Variants in LMNTD1 observed in about 807,000 individuals in gnomAD.
LMNTD1 encodes lamin tail domain containing 1, also known as lamin tail domain-containing protein 1.
In LMNTD1, 35 loss-of-function variants were observed where a neutral mutation model predicts 50.9. The observed-to-expected ratio is 0.69, with a 90% CI of 0.53 to 0.91. The LOEUF is 0.91. LMNTD1 is among the 40% of genes least tolerant of loss of function. LMNTD1 has a pLI of 0.00. For synonymous variants in LMNTD1, 153 were observed against 161.9 expected (o/e 0.94, Z 0.42); for missense variants, 470 against 475.5 (o/e 0.99, Z 0.11).
chr12:25,628,226 A>G (rs1946638671), intron 1 of LMNTD1, among the ~76,000 whole-genome samples: 1 of 150,696 alleles, frequency 6.6e-6, no homozygotes, highest in Non-Finnish European at 1.5e-5. Flanking sequence ...GTTAGTTTTG[A>G]TAAAAACCAA....
rs567446055 is a variant in LMNTD1, at chr12:25,559,894, A to AT, written c.59-13341dup. Among the ~76,000 whole-genome samples the AT allele has an allele frequency of 5.3e-3, 782 of 148,950 alleles. 11 individuals are homozygous for AT. Among genetic ancestry groups the AT allele is most frequent in the African/African-American group, 0.018 (740 of 41,054 alleles). ...CTTTGCCCACTTTTTGATGGGGTTG[A>AT]TTTTTTCTTACAAATTTGTTTAAGT... On this transcript the variant is annotated intron_variant, in intron 1 of 7. Transcript: ENST00000445693.
At chr12:25,488,893 G>C (rs1938768353) in intron 9 of LMNTD1, among the ~76,000 whole-genome samples, 1 of 152,180 alleles carries the variant, frequency 6.6e-6, no homozygotes, top group Non-Finnish European at 1.5e-5. Context: ...TGCCTTGTGA[G>C]GTGTCAGTGT....
chr12:25,518,824 G>A lies in LMNTD1; in HGVS notation c.1160C>T (p.Thr387Ile). 1 of 1,614,132 alleles carries A rather than the reference G, an allele frequency of 6.2e-7. No homozygotes were observed. The highest frequency in any genetic ancestry group is 8.5e-7 in the Non-Finnish European group (1 of 1,180,016). ...AGGRLDRQPR[T>I]RSTRPNRASG... ...GGCTCGATTAGGTCTGGTTGACCGA[G>A]TCCTGGGCTGTCTATCCAATCTGCC... Residue 387 changes from threonine (T) to isoleucine (I), a missense_variant, in exon 8 of 10, where the codon ACT becomes ATT. Physicochemically the swap from Thr to Ile is moderately conservative, Grantham distance 89. Transcript: ENST00000458174.
intron 1 of LMNTD1, among the ~76,000 whole-genome samples, chr12:25,612,322 A>ACG (rs1426116660): frequency 3.2e-5 from 4 of 125,288 alleles, no homozygotes; most frequent in Non-Finnish European, 7.0e-5. Context: ...ACACACACAC[A>ACG]CACACACGCG....
chr12:25,561,915 T>A (rs1944345171), intron 1 of LMNTD1, among the ~76,000 whole-genome samples: 1 of 152,180 alleles, frequency 6.6e-6, no homozygotes. Context: ...CTCTTTGATC[T>A]TCGTTGGTTT....
At chr12:25,538,338 C>G (rs1421165322) in intron 4 of LMNTD1, among the ~76,000 whole-genome samples, 1 of 150,676 alleles carries the variant, frequency 6.6e-6, no homozygotes, top group Middle Eastern at 3.2e-3. Context: ...GTCGGGTTAC[C>G]CTCAAAGGGA....
At chr12:25,514,559 C>A (rs1426079537) in intron 8 of LMNTD1, among the ~76,000 whole-genome samples, 3 of 145,914 alleles carry the variant, frequency 2.1e-5, no homozygotes, top group African/African-American at 2.5e-5. Flanking sequence ...TTAATGGATA[C>A]AAAAAAAAAA....
intron 1 of LMNTD1, among the ~76,000 whole-genome samples, chr12:25,558,882 G>GT (rs1423780927): frequency 6.6e-6 from 1 of 152,038 alleles, no homozygotes; most frequent in African/African-American, 2.4e-5. Flanking sequence ...TACAATTCAA[G>GT]GTGAGATTTG....
At chr12:25,533,743 AATGTAATGGAG>A (rs781555473) in intron 4 of LMNTD1, among the ~76,000 whole-genome samples, 28 of 152,306 alleles carry the variant, frequency 1.8e-4, no homozygotes, top group Non-Finnish European at 3.7e-4. Flanking sequence ...GTAGATCCTT[AATGTAATGGAG>A]ATGTAAATTT....
At chr12:25,527,910 C>T (rs1941933613) in intron 4 of LMNTD1, among the ~76,000 whole-genome samples, 1 of 151,164 alleles carries the variant, frequency 6.6e-6, no homozygotes, top group South Asian at 2.1e-4. Flanking sequence ...TGAGGTGAGG[C>T]TATTTATAGT....
chr12:25,537,019 C>G, intron 4 of LMNTD1, among the ~76,000 whole-genome samples: 1 of 151,528 alleles, frequency 6.6e-6, no homozygotes, highest in Non-Finnish European at 1.5e-5. Context: ...GCTTTTCTGA[C>G]GGGCTTAAAA....
chr12:25,521,713 G>C (rs1339383906), intron 6 of LMNTD1, among the ~76,000 whole-genome samples: 23 of 152,034 alleles, frequency 1.5e-4, no homozygotes, highest in Admixed American at 1.5e-3. Flanking sequence ...AAAAAGTTAA[G>C]ATTTTAAACA....
At chr12:25,554,029 CAAAAAG>C (rs1295529443), upstream of LMNTD1, among the ~76,000 whole-genome samples, 1 of 151,636 alleles carries the variant, frequency 6.6e-6, no homozygotes, top group Non-Finnish European at 1.5e-5. Context: ...CTTAAAAAGC[CAAAAAG>C]AAAAAGTCAA....
intron 1 of LMNTD1, among the ~76,000 whole-genome samples, chr12:25,619,638 T>C (rs1321984712): frequency 2.0e-5 from 3 of 152,186 alleles, no homozygotes; most frequent in African/African-American, 7.2e-5. Context: ...GAAAGAATGA[T>C]CTAAGACTGC....
At chr12:25,503,226 T>G (rs1346465363) in intron 9 of LMNTD1, among the ~76,000 whole-genome samples, 1 of 152,194 alleles carries the variant, frequency 6.6e-6, no homozygotes, top group African/African-American at 2.4e-5. Context: ...ACCAACTTTG[T>G]TGAGATATTC....
chr12:25,523,120 G>A (rs1036164780), intron 6 of LMNTD1, among the ~76,000 whole-genome samples: 2 of 151,836 alleles, frequency 1.3e-5, no homozygotes, highest in Non-Finnish European at 2.9e-5. Context: ...TGCAACCTCC[G>A]CCTCCCAGGT....
chr12:25,485,326 T>C lies in LMNTD1; in HGVS notation c.*23-8866A>G, dbSNP rs1243133524. ...TTCTTTTGAGAAGTGTCTGTTCATA[T>C]CCTTCACCCACTTTTTGATGGGGTT... On this transcript the variant is annotated intron_variant, in intron 9 of 9. Transcript: ENST00000458174. Among the ~76,000 whole-genome samples, 6 of 146,374 alleles carry C rather than the reference T, an allele frequency of 4.1e-5. No homozygotes were observed. In the East Asian group the frequency reaches 5.9e-4, roughly 14 times the overall value.
At chr12:25,484,505 AT>A (rs1453058520) in intron 9 of LMNTD1, among the ~76,000 whole-genome samples, 1 of 151,886 alleles carries the variant, frequency 6.6e-6, no homozygotes, top group Non-Finnish European at 1.5e-5. Context: ...TTCTTTTTAA[AT>A]TTATTTTTTT....
chr12:25,643,453 C>G (rs1946993946), intron 1 of LMNTD1, among the ~76,000 whole-genome samples: 1 of 152,120 alleles, frequency 6.6e-6, no homozygotes, highest in African/African-American at 2.4e-5. Flanking sequence ...TGATAGAGGG[C>G]TTTATAGACA....
Sources: allele counts gnomAD v4.1 joint callset (sites outside exome capture counted in the v4.1 genomes callset), GRCh38; gene constraint gnomAD v4.1.1; transcripts MANE v1.5; gene names NCBI Gene and HGNC (gene_info 2026-07-23, HGNC 2026-07-21).